Variants in STK11 observed in about 807,000 individuals in gnomAD.
The protein encoded by STK11 is serine/threonine-protein kinase STK11.
A neutral mutation model predicts 47.3 loss-of-function variants in STK11; 8 were observed. That is an observed-to-expected ratio of 0.17 (90% CI 0.10 to 0.31). The LOEUF (loss-of-function observed/expected upper bound fraction) is 0.31, where lower values mean the gene tolerates loss of function less well. Ranked by LOEUF, STK11 falls within the 10% of genes least tolerant of loss-of-function variation. The pLI is 1.00. For missense variants in STK11, 475 were observed against 605.0 expected, an observed-to-expected ratio of 0.79 and a Z score of 2.25; for synonymous variants, 330 against 255.8, an observed-to-expected ratio of 1.29 and a Z score of -2.77.
At chr19:1,216,301 G>A (rs980297743) in intron 1 of STK11, 3 of 174,232 alleles carry the variant, frequency 1.7e-5, no homozygotes, top group Non-Finnish European at 3.7e-5. Flanking sequence ...TCCTGGCTCT[G>A]GATTGGCTTG....
In STK11 at chr19:1,214,790, G is replaced by A. The variant is rs528526876; in HGVS notation, c.291-3627G>A. Among the ~76,000 whole-genome samples, 248 of 152,272 alleles carry A rather than the reference G, an allele frequency of 1.6e-3. 1 individual carries two copies. The highest frequency in any genetic ancestry group is 5.9e-3 in the African/African-American group (244 of 41,552). On this transcript the variant is annotated intron_variant, in intron 1 of 9. Transcript: ENST00000326873. ...AGAGCGGTGCTGGACCTGAAGGCCCGTGGCTCCCTCAGCTCCACTGAGGAG... is the reference window on the plus strand; with the variant it reads ...AGAGCGGTGCTGGACCTGAAGGCCCATGGCTCCCTCAGCTCCACTGAGGAG...
intron 1 of STK11, among the ~76,000 whole-genome samples, chr19:1,210,524 G>C (rs1056993910): frequency 1.3e-5 from 2 of 152,112 alleles, no homozygotes; most frequent in African/African-American, 4.8e-5. Flanking sequence ...CGCTCTCACC[G>C]GCAAAAAGTA....
At chr19:1,219,472 C>A (rs2145422807) in intron 3 of STK11, 59 bp downstream of exon 3, 2 of 1,479,370 alleles carry the variant, frequency 1.4e-6, no homozygotes, top group Non-Finnish European at 1.8e-6. Flanking sequence ...GCAGGGCAGG[C>A]TCCTTTCCGT....
Position 1,226,533 on chromosome 19 carries a change from G to T in STK11, c.1188G>T (p.Glu396Asp). The T allele has an allele frequency of 6.2e-7, 1 of 1,607,474 alleles. No individual in the cohort carries two copies. The highest frequency in any genetic ancestry group is 8.5e-7 in the Non-Finnish European group (1 of 1,177,904). The stretch of plus-strand genomic sequence containing the variant: ...AGGCCGTGTGTATGAACGGCACAGA[G>T]GCGGCGCAGCTGAGCACCAAATCCA... ...LPKAVCMNGT[E>D]AAQLSTKSRA... The change falls in exon 9 of 10, where the codon GAG (glutamate) becomes GAT (aspartate). Residue 396 changes from glutamate (E) to aspartate (D), a missense_variant. By Grantham distance (45) the Glu-to-Asp change is conservative (BLOSUM62 2). Around this residue, in one of 5 missense-constraint regions of STK11, gnomAD observed 219 missense variants for 189.2 expected, o/e 1.16. Transcript: ENST00000326873.
chr19:1,221,255 C>T lies in STK11; in HGVS notation c.777C>T (p.Asn259=), dbSNP rs786201105. The part of the protein sequence containing the change: ...TTGLYPFEGD[N]IYKLFENIGK... ...GTCTGTACCCCTTCGAAGGGGACAA[C>T]ATCTACAAGTTGTTTGAGAACATCG... Residue 259 remains asparagine, a synonymous_variant, in exon 6 of 10, where the codon AAC becomes AAT. Coordinates refer to ENST00000326873, the MANE Select transcript of STK11 (RefSeq NM_000455.5). 2 of 1,612,528 alleles carry T rather than the reference C, an allele frequency of 1.2e-6. No homozygotes were observed. Among genetic ancestry groups the T allele is most frequent in the Non-Finnish European group, 1.7e-6 (2 of 1,179,614 alleles).
At chr19:1,211,305 A>G (rs1272964093) in intron 1 of STK11, among the ~76,000 whole-genome samples, 1 of 152,248 alleles carries the variant, frequency 6.6e-6, no homozygotes, top group East Asian at 1.9e-4. Flanking sequence ...ATTAATTAAA[A>G]TAAAATCAGT....
chr19:1,226,350 G>C, intron 8 of STK11, 104 bp from the exon 9 acceptor site: 2 of 1,523,896 alleles, frequency 1.3e-6, no homozygotes, highest in Admixed American at 2.0e-5. Context: ...GGCATGGCCT[G>C]GGCAGCAGCT....
At chr19:1,223,339 C>T (rs2080799465) in intron 8 of STK11, among the ~76,000 whole-genome samples, 167 bp downstream of exon 8, 1 of 152,232 alleles carries the variant, frequency 6.6e-6, no homozygotes, top group Non-Finnish European at 1.5e-5. Flanking sequence ...CCCTGCGGGC[C>T]GCTGGGACAT....
chr19:1,223,212 G>C lies in STK11; in HGVS notation c.1108+40G>C, dbSNP rs377730771. The C allele has an allele frequency of 1.3e-6, 2 of 1,585,530 alleles. No individual in the cohort carries two copies. Among genetic ancestry groups the C allele is most frequent in the Non-Finnish European group, 1.7e-6 (2 of 1,168,394 alleles). On this transcript the variant is annotated intron_variant, in intron 8 of 9. Transcript: ENST00000326873. ...GGCCCCTGCCCGGCTCTGCTGACTC[G>C]GCCAGGATGTCCCACGGGAGCAGGG... is the stretch of plus-strand genomic sequence containing the variant.
chr19:1,220,272 C>A, intron 3 of STK11, 101 bp from the exon 4 acceptor site: 1 of 1,452,248 alleles, frequency 6.9e-7, no homozygotes, highest in Non-Finnish European at 9.3e-7. Flanking sequence ...GACTTCCCAG[C>A]TGGGCCTGTG....
At position 1,228,234 on chromosome 19, in the gene STK11, C is replaced by G; in HGVS notation, c.*658C>G. On this transcript the variant is annotated 3_prime_UTR_variant, in exon 10 of 10. Coordinates refer to ENST00000326873, the MANE Select transcript of STK11 (RefSeq NM_000455.5). Reference sequence around the variant, plus strand: ...CGGAGGGCAGGACCCTCACCTCTCCCCCAAGGCCACTGCGCTCTTGGGACC... The same window carrying G: ...CGGAGGGCAGGACCCTCACCTCTCCGCCAAGGCCACTGCGCTCTTGGGACC... 1 of 667,606 alleles carries G rather than the reference C, an allele frequency of 1.5e-6. No homozygotes were observed. The highest frequency in any genetic ancestry group is 1.9e-6 in the Non-Finnish European group (1 of 516,202). 41.4% of individuals were successfully genotyped at this position (667,606 alleles called of 1,614,324 possible). A position where few individuals can be genotyped will look rare whatever the true frequency, so the allele number is the denominator to read the frequency against.
At chr19:1,220,267 C>G in intron 3 of STK11, 106 bp from the exon 4 acceptor site, 2 of 1,438,516 alleles carry the variant, frequency 1.4e-6, no homozygotes, top group Non-Finnish European at 1.9e-6. Flanking sequence ...TCTGTGACTT[C>G]CCAGCTGGGC....
At chr19:1,211,250 G>C (rs1409411273) in intron 1 of STK11, among the ~76,000 whole-genome samples, 4 of 152,256 alleles carry the variant, frequency 2.6e-5, no homozygotes, top group African/African-American at 9.6e-5. Flanking sequence ...ATTCCAGGCT[G>C]GGCAAGCCTA....
rs1175235669 is a variant in STK11, at chr19:1,206,423, C to T, written c.-491C>T. On this transcript the variant is annotated 5_prime_UTR_variant, in exon 1 of 10. Coordinates refer to ENST00000326873, the MANE Select transcript of STK11 (RefSeq NM_000455.5). ...GACGCCCCCAGCGAAGTTGGGCTCT[C>T]CAGGTGTGGGGGTCCCGGGGGGTAG... 4.2e-6 allele frequency: 1 copy of T among 235,486 alleles called. No homozygotes were observed. The highest frequency in any genetic ancestry group is 2.2e-5 in the African/African-American group (1 of 45,314). 14.6% of individuals were successfully genotyped at this position (235,486 alleles called of 1,614,324 possible).
chr19:1,221,589 A>C (rs1194665121), intron 6 of STK11: 4 of 616,716 alleles, frequency 6.5e-6, no homozygotes, highest in Non-Finnish European at 1.1e-5. Flanking sequence ...CGCCTCCCCC[A>C]GCCCCACCCT....
At position 1,220,445 on chromosome 19, in the gene STK11, G is replaced by C. The variant is rs528535500; in HGVS notation, c.537G>C (p.Pro179=). The C allele has an allele frequency of 6.2e-7, 1 of 1,606,850 alleles. No individual in the cohort carries two copies. The highest frequency in any genetic ancestry group is 8.5e-7 in the Non-Finnish European group (1 of 1,177,208). The change falls in exon 4 of 10, where the codon CCG becomes CCC. Residue 179 remains proline (P), a synonymous_variant. Coordinates refer to ENST00000326873, the MANE Select transcript of STK11 (RefSeq NM_000455.5). ...SQGIVHKDIK[P]GNLLLTTGGT... The stretch of plus-strand genomic sequence containing the variant: ...GCATTGTGCACAAGGACATCAAGCC[G>C]GGGAACCTGCTGCTCACCACCGGTG...
At chr19:1,215,571 G>C (rs1471095978) in intron 1 of STK11, among the ~76,000 whole-genome samples, 1 of 152,220 alleles carries the variant, frequency 6.6e-6, no homozygotes, top group Non-Finnish European at 1.5e-5. Flanking sequence ...AGCACAGCCT[G>C]CAGCCCTGGC....
In STK11 at chr19:1,223,503, G is replaced by A. The variant is rs2080800387; in HGVS notation, c.1108+331G>A. ...AGCAGGCGGGGGAGCCCCAGGGTCGGGGGAGGGTAGGTGAGAGTCAGGGTG... is the reference window on the plus strand; with the variant it reads ...AGCAGGCGGGGGAGCCCCAGGGTCGAGGGAGGGTAGGTGAGAGTCAGGGTG... On this transcript the variant is annotated intron_variant, in intron 8 of 9. Transcript: ENST00000326873. 6 of 919,410 alleles carry A rather than the reference G, an allele frequency of 6.5e-6. No homozygotes were observed. In the South Asian group the frequency reaches 1.3e-4, roughly 20 times the overall value. 57.0% of individuals were successfully genotyped at this position (919,410 alleles called of 1,614,324 possible).
chr19:1,224,364 G>A (rs1055121226), intron 8 of STK11: 2 of 985,274 alleles, frequency 2.0e-6, no homozygotes, highest in Middle Eastern at 5.2e-4. Context: ...GTGCTGCTGG[G>A]TACCCTGGTC....
Sources: gnomAD v4.1 joint callset for allele counts (sites outside exome capture counted in the v4.1 genomes callset) on GRCh38, gnomAD v4.1.1 for gene constraint, gnomAD v4.1.1 regional missense constraint, MANE v1.5 for transcripts, NCBI Gene and HGNC (gene_info 2026-07-23, HGNC 2026-07-21) for gene names.